Variants in SYNJ2 observed in about 807,000 individuals in gnomAD.
The protein encoded by SYNJ2 is synaptojanin 2, also known as polyphosphatidylinositol phosphatase SYNJ2.
A neutral mutation model predicts 141.3 loss-of-function variants in SYNJ2; 116 were observed. The ratio of observed to expected loss-of-function variants is 0.82; its 90% confidence interval spans 0.71 to 0.96. The LOEUF is 0.96. Ranked by LOEUF, SYNJ2 falls within the 40% of genes least tolerant of loss-of-function variation. SYNJ2 has a pLI of 0.00. For synonymous variants in SYNJ2, 745 were observed against 777.7 expected (o/e 0.96, Z 0.70); for missense variants, 1,873 against 1,934.8 (o/e 0.97, Z 0.60).
rs1157820457 is a variant in SYNJ2 at position 158,067,002 on chromosome 6, G to GT, written c.1717+373dup. Among the ~76,000 whole-genome samples the GT allele has an allele frequency of 5.9e-5, 9 of 152,014 alleles. No homozygotes were observed. In the East Asian group the frequency reaches 1.5e-3, roughly 26 times the overall value. On this transcript the variant is annotated intron_variant, in intron 12 of 26. Transcript: ENST00000355585. Reference sequence around the variant, plus strand: ...AGCCTGTCTTCGGTGTTTTGTTTTTGTTTTTTGTTTTGTTTTGTTGTTGTT... The same window carrying GT: ...AGCCTGTCTTCGGTGTTTTGTTTTTGTTTTTTTGTTTTGTTTTGTTGTTGTT...
At chr6:158,051,018 A>G (rs1344148185) in intron 5 of SYNJ2, among the ~76,000 whole-genome samples, 3 of 152,102 alleles carry the variant, frequency 2.0e-5, no homozygotes, top group Admixed American at 6.5e-5. Flanking sequence ...CGGGGGAGCT[A>G]TAGAGCCTGG....
chr6:158,003,560 A>T (rs1010924365), intron 1 of SYNJ2, among the ~76,000 whole-genome samples: 1 of 152,218 alleles, frequency 6.6e-6, no homozygotes, highest in Non-Finnish European at 1.5e-5. Flanking sequence ...GTGGCCACAA[A>T]TGCTACCTCA....
intron 6 of SYNJ2, 81 bp downstream of exon 6, chr6:158,055,109 G>A: frequency 6.7e-7 from 1 of 1,499,130 alleles, no homozygotes. Context: ...GGGAGAGGGT[G>A]CGACGGGAAA....
At chr6:158,015,114 C>G (rs1685539540) in intron 1 of SYNJ2, among the ~76,000 whole-genome samples, 2 of 152,190 alleles carry the variant, frequency 1.3e-5, no homozygotes, top group Non-Finnish European at 2.9e-5. Context: ...CTACACTTGC[C>G]TCTCTGAGTC....
chr6:158,019,489 TCTTATTAGAGCGAG>T (rs1315237809), intron 2 of SYNJ2, among the ~76,000 whole-genome samples: 5 of 152,016 alleles, frequency 3.3e-5, no homozygotes, highest in Non-Finnish European at 7.4e-5. Flanking sequence ...CCCAAAGATG[TCTTATTAGAGCGAG>T]CCAGGGTGTC....
chr6:158,051,979 G>T (rs550254350), intron 5 of SYNJ2, among the ~76,000 whole-genome samples: 6 of 124,766 alleles, frequency 4.8e-5, no homozygotes, highest in Non-Finnish European at 1.1e-4. Flanking sequence ...AGAAGAAGAA[G>T]AATAAGAAGA....
intron 2 of SYNJ2, among the ~76,000 whole-genome samples, chr6:158,026,151 G>T (rs1779035853): frequency 6.6e-6 from 1 of 152,154 alleles, no homozygotes; most frequent in African/African-American, 2.4e-5. Flanking sequence ...AGCTTCCCTG[G>T]GGGACAGTCA....
At chr6:157,986,641 G>A (rs1007392237) in intron 1 of SYNJ2, among the ~76,000 whole-genome samples, 2 of 152,128 alleles carry the variant, frequency 1.3e-5, no homozygotes, top group South Asian at 2.1e-4. Context: ...GGCCTTCCCC[G>A]TGATTTTTGT....
At chr6:157,996,678 C>A (rs981799553) in intron 1 of SYNJ2, among the ~76,000 whole-genome samples, 1 of 152,190 alleles carries the variant, frequency 6.6e-6, no homozygotes, top group South Asian at 2.1e-4. Context: ...GGTGGTTTCT[C>A]ATGAATGGTC....
chr6:158,098,891 T>C lies in SYNJ2; in HGVS notation c.*2527T>C, dbSNP rs927602709. 1.3e-5 allele frequency: 2 copies of C among 152,234 alleles called. No homozygotes were observed. The highest frequency in any genetic ancestry group is 4.8e-5 in the African/African-American group (2 of 41,450). 9.4% of individuals were successfully genotyped at this position (152,234 alleles called of 1,614,324 possible). A position where few individuals can be genotyped will look rare whatever the true frequency, so the allele number is the denominator to read the frequency against. The stretch of plus-strand genomic sequence containing the variant: ...ACTTCTTGCCTATTCTTAAAATATG[T>C]TTTGGTTAATGATTGAATTAGGACA... On this transcript the variant is annotated 3_prime_UTR_variant, in exon 27 of 27. Coordinates refer to ENST00000355585, the MANE Select transcript of SYNJ2 (RefSeq NM_003898.4).
rs1277058943 is a variant in SYNJ2 at position 158,098,678 on chromosome 6, C to A, written c.*2314C>A. 2 of 152,112 alleles carry A rather than the reference C, an allele frequency of 1.3e-5. No individual in the cohort carries two copies. The highest frequency in any genetic ancestry group is 2.9e-5 in the Non-Finnish European group (2 of 68,006). 9.4% of individuals were successfully genotyped at this position (152,112 alleles called of 1,614,324 possible). A position where few individuals can be genotyped will look rare whatever the true frequency, so the allele number is the denominator to read the frequency against. ...AGCTGCCATCTTGGGGGATTTCATT[C>A]TGTGGTTTTTTAAATGTTTCGTCTT... is the stretch of plus-strand genomic sequence containing the variant. On this transcript the variant is annotated 3_prime_UTR_variant, in exon 27 of 27. Coordinates refer to ENST00000355585, the MANE Select transcript of SYNJ2 (RefSeq NM_003898.4).
intron 3 of SYNJ2, 112 bp from the exon 4 acceptor site, chr6:158,033,343 C>A: frequency 1.7e-6 from 2 of 1,156,292 alleles, no homozygotes; most frequent in Non-Finnish European, 2.5e-6. Flanking sequence ...CATTCGCTGA[C>A]CCGAAATGCT....
At chr6:158,087,424 G>A (rs955219185) in intron 23 of SYNJ2, among the ~76,000 whole-genome samples, 2 of 152,168 alleles carry the variant, frequency 1.3e-5, no homozygotes, top group Non-Finnish European at 2.9e-5. Context: ...GCGCTCCGAG[G>A]CCTCCTGTTC....
chr6:158,087,216 C>T (rs1395295210), intron 23 of SYNJ2, among the ~76,000 whole-genome samples: 3 of 152,220 alleles, frequency 2.0e-5, no homozygotes, highest in African/African-American at 7.2e-5. Flanking sequence ...AGCTGCTGTT[C>T]ACCCTGGAGC....
rs58914911 is a variant in SYNJ2 at position 158,097,843 on chromosome 6, TAAA to T, written c.*1488_*1490del. 1 of 147,784 alleles carries T rather than the reference TAAA, an allele frequency of 6.8e-6. No individual in the cohort carries two copies. The highest frequency in any genetic ancestry group is 1.5e-5 in the Non-Finnish European group (1 of 66,934). The allele number at this position is 147,784 out of a possible 1,614,324, so 9.2% of individuals were successfully genotyped here. Reference sequence around the variant, plus strand: ...CTGAAAACTAATACCTGGAAAAGGATAAAAAAAAAAAGGAATCCGTGACCCACA... The same window carrying T: ...CTGAAAACTAATACCTGGAAAAGGATAAAAAAAAGGAATCCGTGACCCACA... On this transcript the variant is annotated 3_prime_UTR_variant, in exon 27 of 27. Coordinates refer to ENST00000355585, the MANE Select transcript of SYNJ2 (RefSeq NM_003898.4).
chr6:158,063,679 AAAAAAAAAC>A, intron 8 of SYNJ2, 103 bp from the exon 9 acceptor site: 5 of 619,386 alleles, frequency 8.1e-6, no homozygotes, highest in African/African-American at 2.0e-5. Context: ...AAAAAAAAAA[AAAAAAAAAC>A]CATGTTTCCT....
At position 157,981,967 on chromosome 6, in the gene SYNJ2, C is replaced by A; in HGVS notation, c.6C>A (p.Ala2=). ...CCGCAGTGGGCCCGACCCTCATGGC[C>A]CTGAGCAAAGGGCTGCGGCTGCTGG... The part of the protein sequence containing the change: M[A]LSKGLRLLGR... The change falls in exon 1 of 27, where the codon GCC becomes GCA. Residue 2 remains alanine, a synonymous_variant. Coordinates refer to ENST00000355585, the MANE Select transcript of SYNJ2 (RefSeq NM_003898.4). This position sits in a 1 kb window ranked among gnomAD's most constrained non-coding sequence, Gnocchi z 6.4. 1 of 1,252,986 alleles carries A rather than the reference C, an allele frequency of 8.0e-7. No homozygotes were observed. 77.6% of individuals were successfully genotyped at this position (1,252,986 alleles called of 1,614,324 possible). A position where few individuals can be genotyped will look rare whatever the true frequency, so the allele number is the denominator to read the frequency against.
chr6:158,002,453 G>C (rs1315105439), intron 1 of SYNJ2: 2 of 152,338 alleles, frequency 1.3e-5, no homozygotes, highest in Non-Finnish European at 2.9e-5. Flanking sequence ...AGAGGAAGAA[G>C]AGCTGGGGAG....
intron 2 of SYNJ2, among the ~76,000 whole-genome samples, chr6:158,024,573 T>C (rs868767168): frequency 6.6e-6 from 1 of 152,224 alleles, no homozygotes; most frequent in Non-Finnish European, 1.5e-5. Context: ...AAAAATTATT[T>C]GGCAGTGTTT....
Sources: allele counts gnomAD v4.1 joint callset (sites outside exome capture counted in the v4.1 genomes callset), GRCh38; gene constraint gnomAD v4.1.1; non-coding constraint Gnocchi (gnomAD v3.1); transcripts MANE v1.5; gene names NCBI Gene and HGNC (gene_info 2026-07-23, HGNC 2026-07-21).